Variants in TLK1 observed in about 807,000 individuals in gnomAD.
TLK1 encodes tousled like kinase 1.
A neutral mutation model predicts 105.3 loss-of-function variants in TLK1; 24 were observed. The ratio of observed to expected loss-of-function variants is 0.23; its 90% CI spans 0.17 to 0.32. The LOEUF (loss-of-function observed/expected upper bound fraction) is 0.32, where lower values mean the gene tolerates loss of function less well. TLK1 is among the 10% of genes least tolerant of loss of function. TLK1 has a pLI of 1.00. For missense variants in TLK1, 558 were observed against 910.5 expected, an observed-to-expected ratio of 0.61 and a Z score of 4.98; for synonymous variants, 321 against 310.4, an observed-to-expected ratio of 1.03 and a Z score of -0.36.
intron 8 of TLK1, among the ~76,000 whole-genome samples, chr2:171,051,663 A>C (rs1687245407): frequency 6.8e-6 from 1 of 148,020 alleles, no homozygotes; most frequent in Non-Finnish European, 1.5e-5. Flanking sequence ...ATCTCATCTG[A>C]AGTACTGTTA....
At chr2:171,019,030 C>T (rs1685345338) in intron 12 of TLK1, among the ~76,000 whole-genome samples, 1 of 151,990 alleles carries the variant, frequency 6.6e-6, no homozygotes, top group African/African-American at 2.4e-5. Context: ...ACATAAAAAG[C>T]CAAGTCAGAC....
At chr2:171,223,892 T>C (rs996884549) in intron 1 of TLK1, among the ~76,000 whole-genome samples, 3 of 152,042 alleles carry the variant, frequency 2.0e-5, no homozygotes, top group African/African-American at 7.2e-5. Flanking sequence ...TGTTTTCCCA[T>C]TCTGTGTTGT....
At chr2:171,048,779 T>C (rs753984543) in intron 10 of TLK1, among the ~76,000 whole-genome samples, 1 of 152,206 alleles carries the variant, frequency 6.6e-6, no homozygotes, top group Non-Finnish European at 1.5e-5. Flanking sequence ...ACAGCAATGT[T>C]GGTGTGATAC....
chr2:171,006,739 G>C, intron 16 of TLK1, 61 bp downstream of exon 16: 1 of 1,587,784 alleles, frequency 6.3e-7, no homozygotes, highest in South Asian at 1.1e-5. Flanking sequence ...ATCAACACAG[G>C]ATGGGGAAAG....
At chr2:171,210,047 A>G (rs146635504) in intron 1 of TLK1, among the ~76,000 whole-genome samples, 1 of 152,282 alleles carries the variant, frequency 6.6e-6, no homozygotes, top group East Asian at 1.9e-4. Context: ...AAATCAAAAT[A>G]CAGTGTCATG....
In TLK1 at chr2:170,998,087, TATCTACCTACCTACCTACCTACC is replaced by T. The variant is rs1445433124; in HGVS notation, c.1905-287_1905-265del. Among the ~76,000 whole-genome samples the T allele has an allele frequency of 2.9e-4, 14 of 48,960 alleles. No individual in the cohort carries two copies. The East Asian group carries it at 4.2e-3, about 15-fold the overall frequency. The allele number at this position is 48,960 out of a possible 152,430, so 32.1% of individuals were successfully genotyped here. ...CTATCTATCTATCTATCTATCTATC[TATCTACCTACCTACCTACCTACC>T]ACCTACCTACCTACCGAAACAAAAA... is the stretch of plus-strand genomic sequence containing the variant. On this transcript the variant is annotated intron_variant, in intron 18 of 20. Transcript: ENST00000431350.
intron 1 of TLK1, among the ~76,000 whole-genome samples, chr2:171,123,087 C>CACACACACA (rs1553480394): frequency 1.3e-5 from 2 of 151,132 alleles, no homozygotes; most frequent in African/African-American, 4.9e-5. Flanking sequence ...CACACACACA[C>CACACACACA]TTCTTTTTTT....
At position 171,179,245 on chromosome 2, in the gene TLK1, T is replaced by A. The variant is rs138803613; in HGVS notation, c.-6+51900A>T. On this transcript the variant is annotated intron_variant, in intron 1 of 20. Transcript: ENST00000521943. ...AATGAGTCATCCCTGTCTCTTATTC[T>A]AAATTACAGGGCACCCTTTTATTCC... 4.6e-3 allele frequency among the ~76,000 whole-genome samples: 698 copies of A among 152,354 alleles called. 7 individuals carry two copies. The highest frequency in any genetic ancestry group is 0.016 in the African/African-American group (660 of 41,586).
At chr2:171,120,105 C>T (rs1408521790) in intron 1 of TLK1, among the ~76,000 whole-genome samples, 1 of 151,664 alleles carries the variant, frequency 6.6e-6, no homozygotes, top group Non-Finnish European at 1.5e-5. Flanking sequence ...AAAAATTAGC[C>T]GAGCGTGGTG....
intron 14 of TLK1, among the ~76,000 whole-genome samples, chr2:171,008,204 G>C (rs1273555364): frequency 6.6e-6 from 1 of 152,086 alleles, no homozygotes; most frequent in East Asian, 1.9e-4. Context: ...TTTGCAATCA[G>C]ATTAGCTTAT....
chr2:171,169,353 G>A (rs141751692), intron 1 of TLK1, among the ~76,000 whole-genome samples: 5 of 152,154 alleles, frequency 3.3e-5, no homozygotes, highest in Admixed American at 1.3e-4. Flanking sequence ...AAAAGCAATA[G>A]TTTGCTTATA....
intron 2 of TLK1, among the ~76,000 whole-genome samples, chr2:171,083,724 A>G (rs1282798958): frequency 1.3e-5 from 2 of 152,226 alleles, no homozygotes; most frequent in South Asian, 2.1e-4. Context: ...CTATAATTAT[A>G]TAATTGAAAT....
intron 1 of TLK1, among the ~76,000 whole-genome samples, chr2:171,220,691 C>T (rs1479841831): frequency 6.6e-6 from 1 of 152,034 alleles, no homozygotes; most frequent in Non-Finnish European, 1.5e-5. Flanking sequence ...AGTTTCCCCT[C>T]ACCCATACAA....
intron 2 of TLK1, among the ~76,000 whole-genome samples, chr2:171,101,609 A>C (rs1035981716): frequency 6.6e-6 from 1 of 152,332 alleles, no homozygotes; most frequent in African/African-American, 2.4e-5. Context: ...AAATATGTTA[A>C]ATGAGTCATT....
At chr2:171,000,647 T>A (rs902403621) in intron 18 of TLK1, among the ~76,000 whole-genome samples, 4 of 152,066 alleles carry the variant, frequency 2.6e-5, no homozygotes, top group Admixed American at 6.5e-5. Flanking sequence ...TTTTGCTGTC[T>A]CAGGGGTGAC....
At chr2:171,178,294 T>G (rs1319855902) in intron 1 of TLK1, among the ~76,000 whole-genome samples, 1 of 152,176 alleles carries the variant, frequency 6.6e-6, no homozygotes, top group African/African-American at 2.4e-5. Context: ...AAACCAGGAT[T>G]GGAACCCAGG....
chr2:171,175,762 C>G (rs185272310), intron 1 of TLK1, among the ~76,000 whole-genome samples: 160 of 152,276 alleles, frequency 1.1e-3, no homozygotes, highest in African/African-American at 3.6e-3. Flanking sequence ...CTCTGGGACA[C>G]TATCCTCCCA....
intron 2 of TLK1, among the ~76,000 whole-genome samples, chr2:171,112,527 T>TTA (rs1575603721): frequency 1.3e-5 from 2 of 152,158 alleles, no homozygotes; most frequent in East Asian, 3.8e-4. Flanking sequence ...ACATTACACT[T>TTA]AATAAAGAAC....
chr2:171,098,057 T>C (rs1486465068), intron 2 of TLK1, among the ~76,000 whole-genome samples: 2 of 152,038 alleles, frequency 1.3e-5, no homozygotes, highest in Non-Finnish European at 2.9e-5. Flanking sequence ...TGAAATCTCA[T>C]GAAGCAATGA....
Sources: allele counts gnomAD v4.1 joint callset (sites outside exome capture counted in the v4.1 genomes callset), GRCh38; gene constraint gnomAD v4.1.1; transcripts MANE v1.5; gene names NCBI Gene and HGNC (gene_info 2026-07-23, HGNC 2026-07-21).